The following RASA1 variants were observed in gnomAD, a reference collection of about 807,000 sequenced individuals.
The protein encoded by RASA1 is RAS p21 protein activator 1, also known as ras GTPase-activating protein 1.
RASA1 carries 25 observed loss-of-function variants against 132.2 expected under a neutral mutation model. The ratio of observed to expected loss-of-function variants is 0.19; its 90% CI spans 0.14 to 0.26. The LOEUF is 0.26. RASA1 is among the 10% of genes least tolerant of loss of function. The probability of loss-of-function intolerance (pLI) is 1.00; values close to 1 mark genes in which losing one functional copy is unlikely to be tolerated. For missense variants in RASA1, 964 were observed against 1,299.2 expected (o/e 0.74, Z 3.97); for synonymous variants, 477 against 449.9 (o/e 1.06, Z -0.76).
intron 1 of RASA1, among the ~76,000 whole-genome samples, chr5:87,303,906 T>A (rs775572193): frequency 3.7e-4 from 56 of 150,894 alleles, no homozygotes; most frequent in Non-Finnish European, 6.9e-4. Flanking sequence ...CGATCTCGGC[T>A]CACTGCAAAC....
In RASA1 at chr5:87,325,577, G is replaced by C. The variant is rs1262673064; in HGVS notation, c.540-5771G>C. 2.0e-5 allele frequency among the ~76,000 whole-genome samples: 3 copies of C among 152,174 alleles called. No individual in the cohort carries two copies. In the South Asian group the frequency reaches 6.2e-4, roughly 31 times the overall value. ...AGTCCCAAGTGATTCAGATGCAAAA[G>C]ATTTCTTGGCAATTGGATTTCTGCA... On this transcript the variant is annotated intron_variant, in intron 1 of 24. Transcript: ENST00000274376.
At chr5:87,301,799 C>T (rs1755375928) in intron 1 of RASA1, among the ~76,000 whole-genome samples, 1 of 152,062 alleles carries the variant, frequency 6.6e-6, no homozygotes, top group Non-Finnish European at 1.5e-5. Context: ...TAGGGATACT[C>T]AACCTTTACT....
Position 87,360,424 on chromosome 5 carries a change from T to C in RASA1, c.1333-2127T>C, listed in dbSNP as rs1459827534. On this transcript the variant is annotated intron_variant, in intron 9 of 24. Transcript: ENST00000274376. ...AAGGCGTGAGCAAAATGCAGTACTT[T>C]TGAAAACTCTGATGGCTCATAATTT... Among the ~76,000 whole-genome samples the C allele has an allele frequency of 2.0e-5, 3 of 152,196 alleles. No homozygotes were observed. In the East Asian group the frequency reaches 5.8e-4, roughly 29 times the overall value.
intron 1 of RASA1, among the ~76,000 whole-genome samples, chr5:87,285,148 A>G (rs906091626): frequency 2.7e-5 from 4 of 147,714 alleles, no homozygotes; most frequent in African/African-American, 7.5e-5. Flanking sequence ...GCTCACTGCA[A>G]CCTCCACTTC....
rs1753660998 is a variant in RASA1, at chr5:87,268,434, A to G, written c.-18A>G. 5 of 1,535,050 alleles carry G rather than the reference A, an allele frequency of 3.3e-6. No individual in the cohort carries two copies. Among genetic ancestry groups the G allele is most frequent in the South Asian group, 1.2e-5 (1 of 81,832 alleles). The stretch of plus-strand genomic sequence containing the variant: ...CTCCCGGGCGGGCAGGGTAGGGCAG[A>G]GTAGAGCGGGCTTCAACATGATGGC... On this transcript the variant is annotated 5_prime_UTR_variant, in exon 1 of 25. Coordinates refer to ENST00000274376, the MANE Select transcript of RASA1 (RefSeq NM_002890.3).
At chr5:87,350,530 C>T (rs1759187052) in intron 8 of RASA1, among the ~76,000 whole-genome samples, 1 of 151,506 alleles carries the variant, frequency 6.6e-6, no homozygotes. Flanking sequence ...CGTTTTGTTA[C>T]TAACTTAAAC....
At chr5:87,316,244 A>G (rs1021533318) in intron 1 of RASA1, among the ~76,000 whole-genome samples, 7 of 152,184 alleles carry the variant, frequency 4.6e-5, no homozygotes, top group Non-Finnish European at 7.3e-5. Context: ...TGTTCTTGCT[A>G]TGGTACCTGG....
At chr5:87,329,638 A>G (rs1435874044) in intron 1 of RASA1, among the ~76,000 whole-genome samples, 5 of 152,174 alleles carry the variant, frequency 3.3e-5, no homozygotes, top group Non-Finnish European at 5.9e-5. Flanking sequence ...CCTAAGACAT[A>G]ACAGAAATTT....
intron 1 of RASA1, 30 bp from the exon 2 acceptor site, chr5:87,331,318 A>G (rs745855413): frequency 1.3e-6 from 2 of 1,568,452 alleles, no homozygotes; most frequent in East Asian, 2.2e-5. Flanking sequence ...TGCTATTTAT[A>G]TTGTAATATC....
chr5:87,383,797 A>C lies in RASA1; in HGVS notation c.2758+17A>C, dbSNP rs763554003. ...TCATCTCAGGTAATCAGCTTTTGAT[A>C]CATTTTGAAATTCAAAATATTAGAA... On this transcript the variant is annotated intron_variant, in intron 21 of 24. Coordinates refer to ENST00000274376, the MANE Select transcript of RASA1 (RefSeq NM_002890.3). The C allele has an allele frequency of 6.3e-7, 1 of 1,590,126 alleles. No homozygotes were observed. Among genetic ancestry groups the C allele is most frequent in the South Asian group, 1.1e-5 (1 of 89,750 alleles).
intron 14 of RASA1, among the ~76,000 whole-genome samples, chr5:87,374,586 C>G (rs1402690590): frequency 6.7e-6 from 1 of 150,270 alleles, no homozygotes; most frequent in East Asian, 2.0e-4. Context: ...AAATACAAAA[C>G]ATTTACTAGG....
At chr5:87,275,184 G>C (rs1754010945) in intron 1 of RASA1, among the ~76,000 whole-genome samples, 1 of 152,210 alleles carries the variant, frequency 6.6e-6, no homozygotes. Context: ...TAAATACCCA[G>C]AAAAGTACCT....
At chr5:87,277,206 T>C (rs1754102574) in intron 1 of RASA1, among the ~76,000 whole-genome samples, 1 of 152,200 alleles carries the variant, frequency 6.6e-6, no homozygotes, top group African/African-American at 2.4e-5. Flanking sequence ...TATTTTGTCT[T>C]GCCCCTTTCC....
chr5:87,279,018 T>C (rs1263420781), intron 1 of RASA1, among the ~76,000 whole-genome samples: 6 of 151,202 alleles, frequency 4.0e-5, no homozygotes. Flanking sequence ...CTGAGGCAGT[T>C]GGATCGCTTG....
At chr5:87,271,452 C>CTTTTTTTTTTTTTTT (rs201918763) in intron 1 of RASA1, among the ~76,000 whole-genome samples, 2 of 38,220 alleles carry the variant, frequency 5.2e-5, no homozygotes, top group Admixed American at 3.8e-4. Context: ...TAGTAGACTT[C>CTTTTTTTTTTTTTTT]TTTTTTTTTT....
intron 1 of RASA1, among the ~76,000 whole-genome samples, chr5:87,272,324 A>G (rs1057236357): frequency 6.6e-6 from 1 of 152,142 alleles, no homozygotes; most frequent in African/African-American, 2.4e-5. Flanking sequence ...AAAATTTGCC[A>G]CTGAGAAGTA....
chr5:87,374,455 ATATAT>A (rs1761173165), intron 14 of RASA1, 135 bp downstream of exon 14: 5 of 264,186 alleles, frequency 1.9e-5, no homozygotes, highest in African/African-American at 7.9e-5. Flanking sequence ...ATATATATAT[ATATAT>A]TTTTTTTTTT....
Position 87,268,935 on chromosome 5 carries a change from C to T in RASA1, c.484C>T (p.Pro162Ser). 1.2e-6 allele frequency: 2 copies of T among 1,614,184 alleles called. No homozygotes were observed. The highest frequency in any genetic ancestry group is 1.7e-6 in the Non-Finnish European group (2 of 1,180,022). ...TVDEGDSLDGPEYEEEEVAIP... is the reference protein window; with the variant it reads ...TVDEGDSLDGSEYEEEEVAIP... ...GGACGAAGGTGACTCTCTGGATGGA[C>T]CAGAATACGAGGAGGAAGAGGTGGC... The change falls in exon 1 of 25, where the codon CCA becomes TCA. Residue 162 changes from proline to serine, a missense_variant. Transcript: ENST00000274376.
chr5:87,335,777 G>A (rs1446836390), intron 4 of RASA1, among the ~76,000 whole-genome samples: 2 of 152,140 alleles, frequency 1.3e-5, no homozygotes, highest in African/African-American at 4.8e-5. Flanking sequence ...AGAAGATATA[G>A]ATAGCTCAGT....
Sources: gnomAD v4.1 joint callset for allele counts (sites outside exome capture counted in the v4.1 genomes callset) on GRCh38, gnomAD v4.1.1 for gene constraint, MANE v1.5 for transcripts, NCBI Gene and HGNC (gene_info 2026-07-23, HGNC 2026-07-21) for gene names.